Variants in UBE3A observed in about 807,000 individuals in gnomAD.
UBE3A encodes ubiquitin protein ligase E3A, also known as ubiquitin-protein ligase E3A.
UBE3A carries 6 observed loss-of-function variants against 83.4 expected under a neutral mutation model. That is an observed-to-expected ratio of 0.07 (90% confidence interval 0.04 to 0.14). UBE3A has a LOEUF of 0.14. Ranked by LOEUF, UBE3A falls within the 10% of genes least tolerant of loss-of-function variation. UBE3A has a pLI of 1.00. For synonymous variants in UBE3A, 337 were observed against 355.4 expected (o/e 0.95, Z 0.58); for missense variants, 456 against 1,036.1 (o/e 0.44, Z 7.69).
intron 11 of UBE3A, among the ~76,000 whole-genome samples, chr15:25,348,017 AAGAC>A (rs749302004): frequency 1.1e-4 from 17 of 152,180 alleles, no homozygotes; most frequent in Non-Finnish European, 1.9e-4. Context: ...ATGATAGTAA[AAGAC>A]AGATCATGCA....
intron 1 of UBE3A, among the ~76,000 whole-genome samples, chr15:25,417,023 T>A (rs1159567680): frequency 6.6e-6 from 1 of 152,078 alleles, no homozygotes; most frequent in African/African-American, 2.4e-5. Context: ...GGCAGAGAAA[T>A]GGCTTCAGAA....
chr15:25,418,916 C>G (rs889745489), intron 1 of UBE3A: 2 of 152,134 alleles, frequency 1.3e-5, no homozygotes, highest in Non-Finnish European at 2.9e-5. Flanking sequence ...TCCCAAAATC[C>G]AAGGATGCTT....
At chr15:25,433,981 G>T (rs899488822) in intron 1 of UBE3A, among the ~76,000 whole-genome samples, 2 of 152,076 alleles carry the variant, frequency 1.3e-5, no homozygotes, top group Non-Finnish European at 2.9e-5. Flanking sequence ...GAGATGGGAG[G>T]ATCACTCCAG....
intron 1 of UBE3A, among the ~76,000 whole-genome samples, chr15:25,417,444 AAAAAT>A (rs1479960701): frequency 3.3e-5 from 5 of 152,124 alleles, no homozygotes; most frequent in African/African-American, 9.7e-5. Context: ...GTAAAAAACA[AAAAAT>A]AAAATAAAAT....
chr15:25,413,104 T>C (rs1274178616), intron 1 of UBE3A: 3 of 414,432 alleles, frequency 7.2e-6, no homozygotes, highest in Non-Finnish European at 1.4e-5. Flanking sequence ...TCTATAAAAA[T>C]ACAGAATAAC....
chr15:25,374,119 T>C (rs993081610), intron 5 of UBE3A: 9 of 152,098 alleles, frequency 5.9e-5, no homozygotes, highest in African/African-American at 1.9e-4. Flanking sequence ...ATAGTAACTA[T>C]AGAACAATGC....
intron 4 of UBE3A, among the ~76,000 whole-genome samples, chr15:25,398,755 G>A (rs2086185993): frequency 9.2e-6 from 1 of 108,846 alleles, no homozygotes; most frequent in Non-Finnish European, 2.0e-5. Context: ...TCAGCGCACT[G>A]ATTTTATTCT....
rs2074077060 is a variant in UBE3A, at chr15:25,337,818, T to C, written c.*1319A>G. 6.6e-6 allele frequency: 1 copy of C among 152,106 alleles called. No homozygotes were observed. The highest frequency in any genetic ancestry group is 2.4e-5 in the African/African-American group (1 of 41,432). The allele number at this position is 152,106 out of a possible 1,614,324, so 9.4% of individuals were successfully genotyped here. On this transcript the variant is annotated 3_prime_UTR_variant, in exon 13 of 13. Coordinates refer to ENST00000648336, the MANE Select transcript of UBE3A (RefSeq NM_130839.5). Reference sequence around the variant, plus strand: ...TATTTTATAATGCAATAAAAGAAATTAACAACATCACATACACAGAAGACT... The same window carrying C: ...TATTTTATAATGCAATAAAAGAAATCAACAACATCACATACACAGAAGACT...
chr15:25,370,557 C>T lies in UBE3A; in HGVS notation c.1608+9G>A. The T allele has an allele frequency of 4.3e-6, 7 of 1,613,940 alleles. No individual in the cohort carries two copies. The highest frequency in any genetic ancestry group is 5.9e-6 in the Non-Finnish European group (7 of 1,179,940). On this transcript the variant is annotated intron_variant, in intron 6 of 12. Coordinates refer to ENST00000648336, the MANE Select transcript of UBE3A (RefSeq NM_130839.5). The surrounding 1 kb of genome is among the most constrained non-coding windows in gnomAD (Gnocchi z 4.2). ...ATTATTAGGTTTTTAATCTAGCAGCCCAACTTACCCGGACAAGTGCATCAT... is the reference window on the plus strand; with the variant it reads ...ATTATTAGGTTTTTAATCTAGCAGCTCAACTTACCCGGACAAGTGCATCAT...
intron 6 of UBE3A, among the ~76,000 whole-genome samples, chr15:25,367,189 A>G (rs900931978): frequency 1.5e-4 from 13 of 84,460 alleles, no homozygotes; most frequent in African/African-American, 8.8e-4. Context: ...GTAAATATGT[A>G]AATATTTACA....
chr15:25,382,324 A>T (rs1323865099), intron 4 of UBE3A, among the ~76,000 whole-genome samples: 1 of 152,038 alleles, frequency 6.6e-6, no homozygotes, highest in African/African-American at 2.4e-5. Context: ...CTGTCTCAAA[A>T]AAAAAAAAGA....
intron 3 of UBE3A, among the ~76,000 whole-genome samples, chr15:25,406,856 G>GAAAAAA (rs11413336): frequency 3.5e-5 from 4 of 114,670 alleles, no homozygotes; most frequent in Non-Finnish European, 5.0e-5. Context: ...AATGGAAAAG[G>GAAAAAA]AAAAAAAAAA....
rs1374040320 is a variant in UBE3A at position 25,338,908 on chromosome 15, A to T, written c.*229T>A. 2 of 246,504 alleles carry T rather than the reference A, an allele frequency of 8.1e-6. No homozygotes were observed. Among genetic ancestry groups the T allele is most frequent in the Non-Finnish European group, 1.5e-5 (2 of 131,812 alleles). The allele number at this position is 246,504 out of a possible 1,614,324, so 15.3% of individuals were successfully genotyped here. A position where few individuals can be genotyped will look rare whatever the true frequency, so the allele number is the denominator to read the frequency against. On this transcript the variant is annotated 3_prime_UTR_variant, in exon 13 of 13. Coordinates refer to ENST00000648336, the MANE Select transcript of UBE3A (RefSeq NM_130839.5). ...CAAAAAAATAATTATAATAATAATAAAGGATTTGTTCATATATGTAGCTGA... is the reference window on the plus strand; with the variant it reads ...CAAAAAAATAATTATAATAATAATATAGGATTTGTTCATATATGTAGCTGA...
intron 11 of UBE3A, chr15:25,346,981 A>G (rs891080556): frequency 1.3e-5 from 2 of 152,240 alleles, no homozygotes; most frequent in African/African-American, 4.8e-5. Flanking sequence ...TACAGCTTCA[A>G]GAAGCTGAGC....
chr15:25,369,671 G>T (rs1476797001), intron 6 of UBE3A, among the ~76,000 whole-genome samples: 2 of 152,066 alleles, frequency 1.3e-5, no homozygotes, highest in South Asian at 2.1e-4. Context: ...GCTAATACTA[G>T]AAATACAATA....
At chr15:25,392,414 T>C (rs954857826) in intron 4 of UBE3A, among the ~76,000 whole-genome samples, 1 of 152,204 alleles carries the variant, frequency 6.6e-6, no homozygotes, top group Non-Finnish European at 1.5e-5. Flanking sequence ...GATCAGCTAT[T>C]AGATACTTTC....
intron 4 of UBE3A, among the ~76,000 whole-genome samples, chr15:25,383,421 G>C (rs1250229591): frequency 6.6e-6 from 1 of 152,148 alleles, no homozygotes; most frequent in Non-Finnish European, 1.5e-5. Context: ...TGGATCACCT[G>C]AGGTCAGGAG....
intron 11 of UBE3A, among the ~76,000 whole-genome samples, chr15:25,345,373 G>C (rs934736641): frequency 1.3e-5 from 2 of 152,062 alleles, no homozygotes; most frequent in African/African-American, 4.8e-5. Flanking sequence ...GAATGGACCA[G>C]GTCAGTAATA....
At chr15:25,360,338 T>C (rs1234537793) in intron 7 of UBE3A, 45 bp downstream of exon 7, 1 of 1,610,772 alleles carries the variant, frequency 6.2e-7, no homozygotes, top group Non-Finnish European at 8.5e-7. Context: ...AATAACTAAC[T>C]CAAAAGATGA....
Sources: gnomAD v4.1 joint callset for allele counts (sites outside exome capture counted in the v4.1 genomes callset) on GRCh38, gnomAD v4.1.1 for gene constraint, Gnocchi (gnomAD v3.1) non-coding constraint, MANE v1.5 for transcripts, NCBI Gene and HGNC (gene_info 2026-07-23, HGNC 2026-07-21) for gene names.